Variants in NTMT2 observed in about 807,000 individuals in gnomAD.
NTMT2 encodes N-terminal Xaa-Pro-Lys N-methyltransferase 2.
In NTMT2, 21 loss-of-function variants were observed where a neutral mutation model predicts 23.4. The ratio of observed to expected loss-of-function variants is 0.90; its 90% CI spans 0.64 to 1.29. The LOEUF (loss-of-function observed/expected upper bound fraction) is 1.29. Ranked by LOEUF, NTMT2 falls within the 50% of genes most tolerant of loss-of-function variation. The pLI, the probability that NTMT2 is intolerant of heterozygous loss-of-function variation, is 0.00. For missense variants in NTMT2, 336 were observed against 352.0 expected, an observed-to-expected ratio of 0.95 and a Z score of 0.36; for synonymous variants, 131 against 127.7, an observed-to-expected ratio of 1.03 and a Z score of -0.17.
At chr1:170,160,279 C>T (rs1018040143) in intron 1 of NTMT2, among the ~76,000 whole-genome samples, 10 of 152,236 alleles carry the variant, frequency 6.6e-5, no homozygotes, top group Middle Eastern at 6.8e-3. Context: ...GAAAATGCCA[C>T]GATTATTATA....
intron 2 of NTMT2, among the ~76,000 whole-genome samples, chr1:170,162,586 G>C (rs553358543): frequency 2.0e-5 from 3 of 152,322 alleles, no homozygotes; most frequent in Admixed American, 2.0e-4. Flanking sequence ...CTGAATGCTG[G>C]TTCTGAGAGA....
At chr1:170,151,760 T>A (rs1360245083) in intron 1 of NTMT2, among the ~76,000 whole-genome samples, 1 of 152,128 alleles carries the variant, frequency 6.6e-6, no homozygotes, top group Non-Finnish European at 1.5e-5. Context: ...TAGGTTCAAG[T>A]CCCAGATCTA....
chr1:170,165,513 A>G (rs1329323826), intron 2 of NTMT2, among the ~76,000 whole-genome samples: 1 of 152,322 alleles, frequency 6.6e-6, no homozygotes, highest in Non-Finnish European at 1.5e-5. Flanking sequence ...GCTGTATTTG[A>G]AATAAAATTC....
At chr1:170,146,517 T>A (rs1672967981) in intron 1 of NTMT2, among the ~76,000 whole-genome samples, 1 of 152,158 alleles carries the variant, frequency 6.6e-6, no homozygotes, top group African/African-American at 2.4e-5. Context: ...CTTCTCTGGG[T>A]GTCTGTTGCA....
chr1:170,154,178 GGCTGCCAA>G (rs1025947541), intron 1 of NTMT2, among the ~76,000 whole-genome samples: 3 of 152,136 alleles, frequency 2.0e-5, no homozygotes, highest in African/African-American at 7.2e-5. Flanking sequence ...GAGTAGTGGA[GGCTGCCAA>G]GCATCTGGAT....
intron 1 of NTMT2, among the ~76,000 whole-genome samples, chr1:170,158,677 T>C (rs1488817625): frequency 6.6e-6 from 1 of 152,096 alleles, no homozygotes; most frequent in African/African-American, 2.4e-5. Context: ...TCTAGAATTC[T>C]AATTAGCTTG....
At chr1:170,156,942 T>C (rs377531033) in intron 1 of NTMT2, among the ~76,000 whole-genome samples, 1 of 152,088 alleles carries the variant, frequency 6.6e-6, no homozygotes, top group Non-Finnish European at 1.5e-5. Flanking sequence ...TGATGATGAG[T>C]GTGGCTGCTT....
At chr1:170,153,028 G>T (rs574228424) in intron 1 of NTMT2, among the ~76,000 whole-genome samples, 2 of 152,116 alleles carry the variant, frequency 1.3e-5, no homozygotes, top group East Asian at 1.9e-4. Flanking sequence ...AAATTGTGTG[G>T]CACTTCACCC....
At chr1:170,162,008 T>G (rs1673283143) in intron 2 of NTMT2, among the ~76,000 whole-genome samples, 1 of 152,176 alleles carries the variant, frequency 6.6e-6, no homozygotes, top group Non-Finnish European at 1.5e-5. Context: ...AAGAATCGCT[T>G]GAACCCAGGA....
chr1:170,167,623 C>T lies in NTMT2; in HGVS notation c.718C>T (p.Arg240Trp), dbSNP rs1424113846. 2.9e-5 allele frequency: 45 copies of T among 1,551,634 alleles called. No homozygotes were observed. The highest frequency in any genetic ancestry group is 1.7e-4 in the Middle Eastern group (1 of 5,990). ...TGATCTCTCTGACAGCAGTGTGACT[C>T]GGGACATGGACATCCTCCGGAGCCT... ...ILDLSDSSVTRDMDILRSLIR... is the reference protein window; with the variant it reads ...ILDLSDSSVTWDMDILRSLIR... The change falls in exon 4 of 4, where the codon CGG becomes TGG. Residue 240 changes from arginine (R) to tryptophan (W), a missense_variant. Arg to Trp is a moderately radical substitution (Grantham distance 101). Coordinates refer to ENST00000439373, the MANE Select transcript of NTMT2 (RefSeq NM_001136107.2).
intron 2 of NTMT2, 62 bp downstream of exon 2, chr1:170,160,755 G>A: frequency 7.3e-7 from 1 of 1,364,984 alleles, no homozygotes; most frequent in Non-Finnish European, 9.7e-7. Context: ...GAGCTCGCAT[G>A]CCTCTGTGTT....
chr1:170,163,267 C>A (rs772292782), intron 2 of NTMT2, among the ~76,000 whole-genome samples: 1 of 152,090 alleles, frequency 6.6e-6, no homozygotes, highest in Non-Finnish European at 1.5e-5. Flanking sequence ...GTACTTTGAC[C>A]TTCATACTGT....
At chr1:170,148,321 T>TA (rs1673007934) in intron 1 of NTMT2, among the ~76,000 whole-genome samples, 1 of 151,632 alleles carries the variant, frequency 6.6e-6, no homozygotes, top group Admixed American at 6.6e-5. Flanking sequence ...GCTATTTTTT[T>TA]TTTTTATTTT....
At chr1:170,165,240 T>A (rs1214095640) in intron 2 of NTMT2, among the ~76,000 whole-genome samples, 1 of 152,146 alleles carries the variant, frequency 6.6e-6, no homozygotes, top group Non-Finnish European at 1.5e-5. Flanking sequence ...ATCAGAAAAG[T>A]TTTTTAAATT....
chr1:170,155,818 G>T (rs998774255), intron 1 of NTMT2, among the ~76,000 whole-genome samples: 2 of 151,920 alleles, frequency 1.3e-5, no homozygotes, highest in Non-Finnish European at 2.9e-5. Context: ...GGATAATATT[G>T]TCTCGACTTG....
At chr1:170,149,269 T>G (rs1240525352) in intron 1 of NTMT2, among the ~76,000 whole-genome samples, 1 of 152,220 alleles carries the variant, frequency 6.6e-6, no homozygotes, top group Non-Finnish European at 1.5e-5. Context: ...AATACTCAGA[T>G]TTTTTTGTAG....
At chr1:170,148,926 C>T (rs1383244115) in intron 1 of NTMT2, among the ~76,000 whole-genome samples, 1 of 152,080 alleles carries the variant, frequency 6.6e-6, no homozygotes, top group Non-Finnish European at 1.5e-5. Flanking sequence ...AATTCATTGT[C>T]CAGAACTACA....
intron 1 of NTMT2, among the ~76,000 whole-genome samples, chr1:170,155,675 G>A (rs1052149065): frequency 6.6e-6 from 1 of 151,930 alleles, no homozygotes; most frequent in Non-Finnish European, 1.5e-5. Flanking sequence ...CTGGAATAAA[G>A]AGGCATTTTA....
chr1:170,152,113 G>A (rs1673081486), intron 1 of NTMT2, among the ~76,000 whole-genome samples: 1 of 152,004 alleles, frequency 6.6e-6, no homozygotes. Context: ...TTCAAAGAAG[G>A]CCCATCAAGA....
Sources: gnomAD v4.1 joint callset for allele counts (sites outside exome capture counted in the v4.1 genomes callset) on GRCh38, gnomAD v4.1.1 for gene constraint, MANE v1.5 for transcripts, NCBI Gene and HGNC (gene_info 2026-07-23, HGNC 2026-07-21) for gene names.